LRRC4C: variants seen among roughly 807,000 people sequenced by gnomAD.
LRRC4C encodes leucine rich repeat containing 4C, also known as leucine-rich repeat-containing protein 4C.
Under a neutral mutation model 33.6 loss-of-function variants are expected in LRRC4C, and 5 were observed. The ratio of observed to expected loss-of-function variants is 0.15; its 90% CI spans 0.08 to 0.31. The LOEUF (loss-of-function observed/expected upper bound fraction) is 0.31. Ranked by LOEUF, LRRC4C falls within the 10% of genes least tolerant of loss-of-function variation. The probability of loss-of-function intolerance (pLI) is 1.00; values close to 1 mark genes in which losing one functional copy is unlikely to be tolerated. For synonymous variants in LRRC4C, 329 were observed against 302.0 expected, an observed-to-expected ratio of 1.09 and a Z score of -0.93; for missense variants, 560 against 796.7, an observed-to-expected ratio of 0.70 and a Z score of 3.58.
At chr11:41,229,751 A>G (rs1160522308) in intron 1 of LRRC4C, among the ~76,000 whole-genome samples, 3 of 152,070 alleles carry the variant, frequency 2.0e-5, no homozygotes, top group African/African-American at 7.2e-5. Flanking sequence ...ATCAACTTCT[A>G]CTTGCACTCA....
At chr11:40,775,283 G>A (rs11036072) in intron 2 of LRRC4C, among the ~76,000 whole-genome samples, 7,610 of 152,014 alleles carry the variant, frequency 0.05, 251 homozygotes, top group African/African-American at 0.09. Context: ...GGTGGCTGGC[G>A]CCTGTAGTCC....
At chr11:40,561,796 A>T (rs1957560945) in intron 3 of LRRC4C, among the ~76,000 whole-genome samples, 1 of 152,116 alleles carries the variant, frequency 6.6e-6, no homozygotes, top group African/African-American at 2.4e-5. Flanking sequence ...ACTCGTACAG[A>T]ATTATTTAAC....
In LRRC4C at chr11:40,499,005, T is replaced by C. The variant is rs188196394; in HGVS notation, c.-270+149137A>G. 1.8e-3 allele frequency among the ~76,000 whole-genome samples: 275 copies of C among 152,254 alleles called. 1 individual carries two copies. The highest frequency in any genetic ancestry group is 0.01 in the Middle Eastern group (3 of 294). On this transcript the variant is annotated intron_variant, in intron 3 of 6. Transcript: ENST00000528697. ...CCCATGTTACCAGGGGACTTTTCAT[T>C]GTACATTAATTTTGAAATAGGTGAT...
At chr11:41,232,780 ACAC>A (rs1172235896) in intron 1 of LRRC4C, among the ~76,000 whole-genome samples, 1 of 150,192 alleles carries the variant, frequency 6.7e-6, no homozygotes, top group Non-Finnish European at 1.5e-5. Flanking sequence ...ACACACACAC[ACAC>A]GTCATAGTGA....
At chr11:41,118,114 C>T (rs956904724) in intron 1 of LRRC4C, among the ~76,000 whole-genome samples, 10 of 152,126 alleles carry the variant, frequency 6.6e-5, no homozygotes, top group African/African-American at 2.4e-4. Flanking sequence ...ATGAAACTGA[C>T]TTATTCTCAA....
intron 1 of LRRC4C, among the ~76,000 whole-genome samples, chr11:41,246,047 G>T (rs1448353659): frequency 6.6e-6 from 1 of 152,108 alleles, no homozygotes; most frequent in Non-Finnish European, 1.5e-5. Context: ...CAGGCCTCAG[G>T]CCATTCCCTA....
chr11:40,282,671 G>C (rs1943560871), intron 4 of LRRC4C, among the ~76,000 whole-genome samples: 1 of 152,090 alleles, frequency 6.6e-6, no homozygotes, highest in Non-Finnish European at 1.5e-5. Flanking sequence ...ACATATTTAA[G>C]ACATTTCTCT....
chr11:40,252,352 A>G lies in LRRC4C; in HGVS notation c.-175-10754T>C, dbSNP rs186614041. On this transcript the variant is annotated intron_variant, in intron 4 of 6. Transcript: ENST00000528697. Reference sequence around the variant, plus strand: ...CATATATGTATATACATATACACATACACACATACACCCCCCTAACATATA... The same window carrying G: ...CATATATGTATATACATATACACATGCACACATACACCCCCCTAACATATA... 3.4e-3 allele frequency among the ~76,000 whole-genome samples: 516 copies of G among 152,034 alleles called. 4 individuals carry two copies. The highest frequency in any genetic ancestry group is 6.8e-3 in the Middle Eastern group (2 of 294).
intron 2 of LRRC4C, among the ~76,000 whole-genome samples, chr11:40,793,131 T>A (rs2135182295): frequency 6.6e-6 from 1 of 152,096 alleles, no homozygotes; most frequent in South Asian, 2.1e-4. Flanking sequence ...GAACTTAAAG[T>A]ATAATAAAAA....
chr11:40,478,709 C>G (rs1240529526), intron 3 of LRRC4C, among the ~76,000 whole-genome samples: 1 of 152,094 alleles, frequency 6.6e-6, no homozygotes, highest in East Asian at 1.9e-4. Flanking sequence ...CAGTAAAAAC[C>G]TATTCAAAAT....
chr11:41,154,591 C>T (rs541473588), intron 1 of LRRC4C, among the ~76,000 whole-genome samples: 16 of 152,084 alleles, frequency 1.1e-4, no homozygotes, highest in Middle Eastern at 3.4e-3. Flanking sequence ...TCAAATAAGG[C>T]GAATAAAATG....
chr11:40,453,876 G>A (rs1271161664), intron 3 of LRRC4C, among the ~76,000 whole-genome samples: 1 of 152,132 alleles, frequency 6.6e-6, no homozygotes, highest in Non-Finnish European at 1.5e-5. Context: ...TTAGATAGCA[G>A]TGTTGCATAA....
intron 3 of LRRC4C, among the ~76,000 whole-genome samples, chr11:40,336,811 C>T (rs886625839): frequency 7.1e-4 from 108 of 151,842 alleles, no homozygotes; most frequent in Non-Finnish European, 2.8e-4. Flanking sequence ...CCCATCTCTA[C>T]TGAAAATACA....
At chr11:40,606,387 GA>G (rs2062835517) in intron 3 of LRRC4C, among the ~76,000 whole-genome samples, 1 of 152,152 alleles carries the variant, frequency 6.6e-6, no homozygotes, top group African/African-American at 2.4e-5. Flanking sequence ...GAAAAGTTGA[GA>G]AGCCCTGAGA....
At chr11:40,542,652 T>C (rs955254887) in intron 3 of LRRC4C, among the ~76,000 whole-genome samples, 1 of 151,182 alleles carries the variant, frequency 6.6e-6, no homozygotes, top group Non-Finnish European at 1.5e-5. Flanking sequence ...TCTCTCTCTC[T>C]TGCTGGCTCA....
intron 1 of LRRC4C, among the ~76,000 whole-genome samples, chr11:41,083,828 G>A (rs1197716695): frequency 2.6e-5 from 4 of 152,162 alleles, no homozygotes; most frequent in Admixed American, 2.6e-4. Context: ...GGAATATTGT[G>A]ATTCATGACA....
intron 3 of LRRC4C, among the ~76,000 whole-genome samples, chr11:40,380,348 T>G (rs1948818784): frequency 6.6e-6 from 1 of 152,202 alleles, no homozygotes; most frequent in African/African-American, 2.4e-5. Flanking sequence ...TTCAGAACTT[T>G]ATGGTTAGGT....
chr11:40,748,202 G>A (rs975391061), intron 2 of LRRC4C, among the ~76,000 whole-genome samples: 57 of 152,168 alleles, frequency 3.7e-4, no homozygotes, highest in African/African-American at 1.2e-3. Context: ...TTAGAATAAC[G>A]GCAGTTTTCT....
At chr11:40,946,029 G>A (rs1365043588) in intron 1 of LRRC4C, among the ~76,000 whole-genome samples, 2 of 152,136 alleles carry the variant, frequency 1.3e-5, no homozygotes, top group Non-Finnish European at 2.9e-5. Context: ...AAATGATCCT[G>A]TTGCTCAGAT....
Sources: gnomAD v4.1 joint callset for allele counts (sites outside exome capture counted in the v4.1 genomes callset) on GRCh38, gnomAD v4.1.1 for gene constraint, MANE v1.5 for transcripts, NCBI Gene and HGNC (gene_info 2026-07-23, HGNC 2026-07-21) for gene names.